The following CBLB variants were observed in gnomAD, a reference collection of about 807,000 sequenced individuals.
The protein encoded by CBLB is Cbl proto-oncogene B.
CBLB carries 31 observed loss-of-function variants against 104.9 expected under a neutral mutation model. That is an observed-to-expected ratio of 0.30 (90% CI 0.22 to 0.40). The LOEUF is 0.40. CBLB is among the 10% of genes least tolerant of loss of function. The pLI is 1.00. For synonymous variants in CBLB, 440 were observed against 422.6 expected, an observed-to-expected ratio of 1.04 and a Z score of -0.51; for missense variants, 1,062 against 1,214.6, an observed-to-expected ratio of 0.87 and a Z score of 1.87.
intron 17 of CBLB, chr3:105,672,110 A>G (rs2152701480): frequency 5.2e-6 from 1 of 193,820 alleles, no homozygotes; most frequent in African/African-American, 2.3e-5. Flanking sequence ...GTCTTTTACA[A>G]TACATACACT....
At chr3:105,742,530 T>C (rs969334893) in intron 6 of CBLB, among the ~76,000 whole-genome samples, 3 of 152,188 alleles carry the variant, frequency 2.0e-5, no homozygotes, top group Non-Finnish European at 4.4e-5. Context: ...CTGTCAACTA[T>C]TGGCATTCTT....
In CBLB at chr3:105,668,464, T is replaced by C. The variant is rs560062404; in HGVS notation, c.2689+1769A>G. 2.0e-5 allele frequency among the ~76,000 whole-genome samples: 3 copies of C among 152,284 alleles called. No homozygotes were observed. The East Asian group carries it at 5.8e-4, about 29-fold the overall frequency. ...TCCAGAGCTGGTGGTACTGAATATG[T>C]TATTTTAAATCAGTCATAGCACTTT... is the stretch of plus-strand genomic sequence containing the variant. On this transcript the variant is annotated intron_variant, in intron 18 of 18. Transcript: ENST00000394030.
chr3:105,752,925 A>G (rs201941614), intron 4 of CBLB, among the ~76,000 whole-genome samples: 3 of 152,326 alleles, frequency 2.0e-5, no homozygotes, highest in Middle Eastern at 3.4e-3. Context: ...AGAGCCTACT[A>G]TATCTATTCA....
intron 13 of CBLB, among the ~76,000 whole-genome samples, chr3:105,689,975 C>G (rs964288631): frequency 2.0e-5 from 3 of 151,906 alleles, no homozygotes; most frequent in Non-Finnish European, 4.4e-5. Context: ...GGTCTCAAGA[C>G]AAATTACACA....
intron 4 of CBLB, among the ~76,000 whole-genome samples, chr3:105,766,742 A>C (rs953576500): frequency 6.6e-6 from 1 of 152,224 alleles, no homozygotes; most frequent in Admixed American, 6.5e-5. Flanking sequence ...GAAGACAAAA[A>C]TAATCTAAGT....
intron 3 of CBLB, among the ~76,000 whole-genome samples, chr3:105,825,100 G>A (rs1009313771): frequency 1.3e-5 from 2 of 152,034 alleles, no homozygotes; most frequent in Admixed American, 6.6e-5. Flanking sequence ...CCATCACAGC[G>A]TCTGCTCCAT....
intron 3 of CBLB, among the ~76,000 whole-genome samples, chr3:105,819,755 T>C (rs9880744): frequency 0.11 from 16,439 of 152,134 alleles, 1,023 homozygotes; most frequent in African/African-American, 0.16. Flanking sequence ...CAAAACTTCA[T>C]TGATACACAA....
chr3:105,833,359 T>G (rs1024837153), intron 3 of CBLB, among the ~76,000 whole-genome samples: 2 of 152,326 alleles, frequency 1.3e-5, no homozygotes, highest in African/African-American at 4.8e-5. Context: ...TCAGGCAGAA[T>G]AGTGAAGGCA....
intron 18 of CBLB, among the ~76,000 whole-genome samples, chr3:105,665,402 TAAATAA>T (rs1250388051): frequency 3.5e-4 from 34 of 96,430 alleles, no homozygotes; most frequent in African/African-American, 1.1e-3. Context: ...AATAAATAAA[TAAATAA>T]ATAAATAAAT....
rs931332083 is a variant in CBLB at position 105,868,810 on chromosome 3, T to G, written c.-89A>C. On this transcript the variant is annotated 5_prime_UTR_variant, in exon 1 of 19. Transcript: ENST00000394030. ...CCACACGCACGCAGCCCAGTGTGTG[T>G]GGGGAGCCCCGGCTGGGAGTGGGAT... 1.2e-5 allele frequency: 12 copies of G among 995,786 alleles called. No homozygotes were observed. Among genetic ancestry groups the G allele is most frequent in the Non-Finnish European group, 1.2e-5 (10 of 837,190 alleles). 61.7% of individuals were successfully genotyped at this position (995,786 alleles called of 1,614,324 possible). A position where few individuals can be genotyped will look rare whatever the true frequency, so the allele number is the denominator to read the frequency against.
intron 4 of CBLB, among the ~76,000 whole-genome samples, chr3:105,753,086 T>C (rs915338064): frequency 6.6e-6 from 1 of 152,224 alleles, no homozygotes; most frequent in African/African-American, 2.4e-5. Context: ...AGCTGGGTGA[T>C]GGATACACAG....
At chr3:105,803,421 A>C (rs2083133459) in intron 3 of CBLB, among the ~76,000 whole-genome samples, 1 of 152,128 alleles carries the variant, frequency 6.6e-6, no homozygotes, top group African/African-American at 2.4e-5. Context: ...TCAAAGTGTC[A>C]AGGGTAGCAT....
At chr3:105,787,151 G>A (rs1356141642) in intron 3 of CBLB, among the ~76,000 whole-genome samples, 1 of 152,130 alleles carries the variant, frequency 6.6e-6, no homozygotes, top group East Asian at 1.9e-4. Flanking sequence ...CACTATAGAA[G>A]TCTTAAACTT....
intron 16 of CBLB, chr3:105,681,232 T>A (rs926718918): frequency 1.8e-6 from 1 of 569,606 alleles, no homozygotes; most frequent in South Asian, 2.5e-5. Flanking sequence ...TTAGACTACA[T>A]TTAGTATGGA....
At chr3:105,739,905 C>T (rs2075348368) in intron 7 of CBLB, among the ~76,000 whole-genome samples, 1 of 152,096 alleles carries the variant, frequency 6.6e-6, no homozygotes, top group African/African-American at 2.4e-5. Context: ...GAAATTGAGG[C>T]CATCCTGGCT....
rs778363241 is a variant in CBLB at position 105,751,415 on chromosome 3, G to A, written c.723+47C>T. On this transcript the variant is annotated intron_variant, in intron 5 of 18. Coordinates refer to ENST00000394030, the MANE Select transcript of CBLB (RefSeq NM_170662.5). ...GAGAGAGAAACAGAGAGAAAAGACA[G>A]GGAGAGAGAAGAAGGGAATGGATAG... is the stretch of plus-strand genomic sequence containing the variant. 6.0e-6 allele frequency: 8 copies of A among 1,343,414 alleles called. No individual in the cohort carries two copies. In the East Asian group the frequency reaches 1.6e-4, roughly 27 times the overall value. 83.2% of individuals were successfully genotyped at this position (1,343,414 alleles called of 1,614,324 possible).
intron 2 of CBLB, among the ~76,000 whole-genome samples, chr3:105,855,866 T>C (rs992447623): frequency 6.6e-6 from 1 of 152,238 alleles, no homozygotes; most frequent in Non-Finnish European, 1.5e-5. Context: ...GTATTCTTTA[T>C]ATTTAGAAAG....
intron 4 of CBLB, among the ~76,000 whole-genome samples, chr3:105,770,877 T>C (rs564249493): frequency 1.3e-5 from 2 of 152,062 alleles, no homozygotes; most frequent in Non-Finnish European, 2.9e-5. Flanking sequence ...CCAATAACAA[T>C]AACAAGCAGT....
At chr3:105,712,470 T>A (rs1298257627) in intron 10 of CBLB, among the ~76,000 whole-genome samples, 1 of 152,096 alleles carries the variant, frequency 6.6e-6, no homozygotes, top group Non-Finnish European at 1.5e-5. Flanking sequence ...ATTCTGAGAA[T>A]TAAAGGAATA....
Sources: allele counts gnomAD v4.1 joint callset (sites outside exome capture counted in the v4.1 genomes callset), GRCh38; gene constraint gnomAD v4.1.1; transcripts MANE v1.5; gene names NCBI Gene and HGNC (gene_info 2026-07-23, HGNC 2026-07-21).